Variants in CPNE4 observed in about 807,000 individuals in gnomAD.
CPNE4 encodes the protein copine-4.
Under a neutral mutation model 67.9 loss-of-function variants are expected in CPNE4, and 25 were observed. The ratio of observed to expected loss-of-function variants is 0.37; its 90% CI spans 0.27 to 0.51. The LOEUF (loss-of-function observed/expected upper bound fraction) is 0.51, where lower values mean the gene tolerates loss of function less well. Among genes scored for constraint, CPNE4 ranks in the 20% least tolerant of loss-of-function variants. CPNE4 has a pLI of 0.93. For missense variants in CPNE4, 464 were observed against 690.8 expected (o/e 0.67, Z 3.68); for synonymous variants, 242 against 244.9 (o/e 0.99, Z 0.11).
intron 2 of CPNE4, among the ~76,000 whole-genome samples, chr3:131,821,973 A>C (rs1436643002): frequency 6.6e-6 from 1 of 152,204 alleles, no homozygotes; most frequent in Non-Finnish European, 1.5e-5. Context: ...GTAATGTTAA[A>C]TACCACTTCC....
At chr3:131,974,403 C>T (rs796320761) in intron 1 of CPNE4, among the ~76,000 whole-genome samples, 1 of 152,280 alleles carries the variant, frequency 6.6e-6, no homozygotes, top group African/African-American at 2.4e-5. Context: ...CATACACACA[C>T]CTAATACATG....
At chr3:131,780,885 T>C (rs2083417214) in intron 2 of CPNE4, among the ~76,000 whole-genome samples, 2 of 151,876 alleles carry the variant, frequency 1.3e-5, no homozygotes, top group Non-Finnish European at 2.9e-5. Context: ...CTGGAAAAGC[T>C]AAACCTGTCA....
At chr3:131,898,957 G>A (rs555933950) in intron 2 of CPNE4, among the ~76,000 whole-genome samples, 242 of 152,174 alleles carry the variant, frequency 1.6e-3, no homozygotes, top group South Asian at 2.9e-3. Flanking sequence ...TTGTGAACAA[G>A]TGAAGAAAAC....
At chr3:131,961,468 C>A (rs1443866156) in intron 1 of CPNE4, among the ~76,000 whole-genome samples, 3 of 152,080 alleles carry the variant, frequency 2.0e-5, no homozygotes, top group Non-Finnish European at 4.4e-5. Context: ...ATCATAAATC[C>A]CAGGGATAGG....
At chr3:131,627,665 T>A (rs2079114060) in intron 7 of CPNE4, among the ~76,000 whole-genome samples, 1 of 152,138 alleles carries the variant, frequency 6.6e-6, no homozygotes, top group Admixed American at 6.5e-5. Context: ...TGGGAGGAGG[T>A]CAAACTACAA....
In CPNE4 at chr3:131,645,437, G is replaced by T. The variant is rs117947420; in HGVS notation, c.681+24238C>A. 2.6e-4 allele frequency among the ~76,000 whole-genome samples: 40 copies of T among 152,258 alleles called. No homozygotes were observed. The East Asian group carries it at 7.3e-3, about 28-fold the overall frequency. ...ATCTAATACAGGTCACTTTGGCCAT[G>T]CATTTTGACTATTTATTATATGCTA... On this transcript the variant is annotated intron_variant, in intron 7 of 15. Coordinates refer to ENST00000429747, the MANE Select transcript of CPNE4 (RefSeq NM_130808.3).
chr3:131,912,455 T>A lies in CPNE4; in HGVS notation c.-1-7011A>T, dbSNP rs368853311. Among the ~76,000 whole-genome samples, 8 of 141,630 alleles carry A rather than the reference T, an allele frequency of 5.6e-5. No individual in the cohort carries two copies. The East Asian group carries it at 1.6e-3, about 28-fold the overall frequency. The allele number at this position is 141,630 out of a possible 152,430, so 92.9% of individuals were successfully genotyped here. A position where few individuals can be genotyped will look rare whatever the true frequency, so the allele number is the denominator to read the frequency against. On this transcript the variant is annotated intron_variant, in intron 1 of 15. Coordinates refer to ENST00000429747, the MANE Select transcript of CPNE4 (RefSeq NM_130808.3). ...CAGCCTTTTAAAATGTCATAGTACATCCAGGGAAGGCTAGGGTGCTGGATG... is the reference window on the plus strand; with the variant it reads ...CAGCCTTTTAAAATGTCATAGTACAACCAGGGAAGGCTAGGGTGCTGGATG...
chr3:131,880,129 C>T (rs868166375), intron 2 of CPNE4, among the ~76,000 whole-genome samples: 33 of 88,308 alleles, frequency 3.7e-4, no homozygotes, highest in Middle Eastern at 5.4e-3. Flanking sequence ...TATATATATA[C>T]ATATTTTTTT....
At chr3:132,007,947 G>A (rs1382103990) in intron 1 of CPNE4, among the ~76,000 whole-genome samples, 1 of 152,058 alleles carries the variant, frequency 6.6e-6, no homozygotes, top group Non-Finnish European at 1.5e-5. Flanking sequence ...CAATTTGAAT[G>A]GCACATTTCT....
chr3:131,952,886 G>A (rs1219597188), intron 1 of CPNE4, among the ~76,000 whole-genome samples: 1 of 152,190 alleles, frequency 6.6e-6, no homozygotes, highest in Non-Finnish European at 1.5e-5. Flanking sequence ...TTTTCATTTT[G>A]TTCTGTACTA....
chr3:132,012,420 T>G (rs1202810653), intron 1 of CPNE4, among the ~76,000 whole-genome samples: 2 of 152,140 alleles, frequency 1.3e-5, no homozygotes, highest in Admixed American at 6.5e-5. Flanking sequence ...CTGACCACCT[T>G]GGCCTTCCAA....
chr3:131,810,361 C>T (rs527618496), intron 2 of CPNE4, among the ~76,000 whole-genome samples: 1 of 152,044 alleles, frequency 6.6e-6, no homozygotes, highest in South Asian at 2.1e-4. Flanking sequence ...AGCATACACA[C>T]AAATAGAAAA....
intron 2 of CPNE4, among the ~76,000 whole-genome samples, chr3:131,739,058 T>C (rs1050914480): frequency 1.3e-5 from 2 of 152,128 alleles, no homozygotes; most frequent in African/African-American, 4.8e-5. Context: ...TTTCGCCATG[T>C]TGGCCAGGCT....
chr3:131,707,863 C>T (rs1003553341), intron 3 of CPNE4, among the ~76,000 whole-genome samples: 4 of 152,146 alleles, frequency 2.6e-5, no homozygotes, highest in African/African-American at 9.7e-5. Flanking sequence ...ATATAAGGCT[C>T]CAAATAGTCT....
intron 3 of CPNE4, among the ~76,000 whole-genome samples, chr3:131,714,316 C>A (rs924541694): frequency 6.6e-6 from 1 of 152,126 alleles, no homozygotes; most frequent in Non-Finnish European, 1.5e-5. Context: ...CTGACATAAT[C>A]CTAACATTCA....
intron 3 of CPNE4, among the ~76,000 whole-genome samples, chr3:131,714,498 T>C (rs1293155456): frequency 1.2e-4 from 18 of 152,220 alleles, no homozygotes; most frequent in Admixed American, 1.1e-3. Context: ...GTTCACCAGA[T>C]GTTTTCTATG....
intron 2 of CPNE4, among the ~76,000 whole-genome samples, chr3:131,748,619 T>C (rs1448654745): frequency 6.6e-6 from 1 of 152,098 alleles, no homozygotes; most frequent in Non-Finnish European, 1.5e-5. Flanking sequence ...GTTATAGGAC[T>C]AGTCAAATTA....
chr3:131,565,742 A>G (rs1050348039), intron 10 of CPNE4, among the ~76,000 whole-genome samples: 7 of 151,730 alleles, frequency 4.6e-5, no homozygotes, highest in Admixed American at 1.3e-4. Flanking sequence ...CTTAGGATTC[A>G]AACTCTGTTT....
rs71788145 is a variant in CPNE4 at position 131,737,115 on chromosome 3, C to CTTTTTTTTTTTTT, written c.181-13503_181-13491dup. Among the ~76,000 whole-genome samples the CTTTTTTTTTTTTT allele has an allele frequency of 5.9e-4, 29 of 49,400 alleles. 2 individuals are homozygous for CTTTTTTTTTTTTT. Among genetic ancestry groups the CTTTTTTTTTTTTT allele is most frequent in the East Asian group, 3.5e-3 (4 of 1,156 alleles). 32.4% of individuals were successfully genotyped at this position (49,400 alleles called of 152,430 possible). On this transcript the variant is annotated intron_variant, in intron 2 of 15. Transcript: ENST00000429747. ...TGCCTCTTTTTATGAAGTATTGTGTCTTTTTTTTTTTTTTTTTTTTTTTTT... is the reference window on the plus strand; with the variant it reads ...TGCCTCTTTTTATGAAGTATTGTGTCTTTTTTTTTTTTTTTTTTTTTTTTTTTTTTTTTTTTTT...
Sources: allele counts gnomAD v4.1 joint callset (sites outside exome capture counted in the v4.1 genomes callset), GRCh38; gene constraint gnomAD v4.1.1; transcripts MANE v1.5; gene names NCBI Gene and HGNC (gene_info 2026-07-23, HGNC 2026-07-21).